Variants in NCOR1 observed in about 807,000 individuals in gnomAD.
NCOR1 encodes the protein protein phosphatase 1, regulatory subunit 109.
NCOR1 carries 63 observed loss-of-function variants against 288.1 expected under a neutral mutation model. The ratio of observed to expected loss-of-function variants is 0.22; its 90% confidence interval spans 0.18 to 0.27. The LOEUF (loss-of-function observed/expected upper bound fraction) is 0.27. Ranked by LOEUF, NCOR1 falls within the 10% of genes least tolerant of loss-of-function variation. NCOR1 has a pLI of 1.00. For synonymous variants in NCOR1, 1,007 were observed against 1,065.9 expected (o/e 0.94, Z 1.08); for missense variants, 2,397 against 3,019.2 (o/e 0.79, Z 4.83).
intron 42 of NCOR1, among the ~76,000 whole-genome samples, chr17:16,043,480 T>G (rs2058105438): frequency 6.6e-6 from 1 of 152,220 alleles, no homozygotes; most frequent in Non-Finnish European, 1.5e-5. Flanking sequence ...CTGTTAAAGT[T>G]AGGTACTTGT....
chr17:16,129,231 C>A (rs1469691282), intron 14 of NCOR1, among the ~76,000 whole-genome samples: 1 of 152,158 alleles, frequency 6.6e-6, no homozygotes, highest in Non-Finnish European at 1.5e-5. Flanking sequence ...CACTGCTTTG[C>A]CTCCTAGATC....
At chr17:16,152,272 T>G (rs1225286943) in intron 7 of NCOR1, among the ~76,000 whole-genome samples, 1 of 152,192 alleles carries the variant, frequency 6.6e-6, no homozygotes, top group Non-Finnish European at 1.5e-5. Context: ...ATCACTTACA[T>G]TACGTATTTC....
Position 16,039,573 on chromosome 17 carries a change from A to C in NCOR1, c.6815T>G (p.Met2272Arg). The C allele has an allele frequency of 1.2e-6, 2 of 1,614,170 alleles. No individual in the cohort carries two copies. The highest frequency in any genetic ancestry group is 1.7e-6 in the Non-Finnish European group (2 of 1,180,024). The change falls in exon 44 of 46, where the codon ATG becomes AGG. Residue 2272 changes from methionine to arginine, a missense_variant. Around this residue, in one of 11 missense-constraint regions of NCOR1, gnomAD observed 1,872 missense variants for 2,187.8 expected, o/e 0.86. Coordinates refer to ENST00000268712, the MANE Select transcript of NCOR1 (RefSeq NM_006311.4). ...GLEDIIRKAL[M>R]GSFDDKVEDH... ...CTCAACTTTGTCATCAAAGCTTCCC[A>C]TGAGAGCCTTCCTGATAATGTCTTC...
chr17:16,174,258 A>G (rs56678703), intron 3 of NCOR1, among the ~76,000 whole-genome samples: 1 of 152,326 alleles, frequency 6.6e-6, no homozygotes, highest in East Asian at 1.9e-4. Flanking sequence ...GAAAAGAACA[A>G]AGTTGGAAAA....
At chr17:16,180,044 G>A (rs1024102856) in intron 3 of NCOR1, among the ~76,000 whole-genome samples, 2 of 150,400 alleles carry the variant, frequency 1.3e-5, no homozygotes, top group Non-Finnish European at 2.9e-5. Flanking sequence ...CAAACCACTA[G>A]CAAGTGGGAC....
At chr17:16,090,044 G>A (rs1567941014) in intron 22 of NCOR1, among the ~76,000 whole-genome samples, 2 of 152,060 alleles carry the variant, frequency 1.3e-5, no homozygotes, top group Non-Finnish European at 2.9e-5. Context: ...ATACCACTGA[G>A]ATCTAAACCA....
intron 1 of NCOR1, chr17:16,198,374 A>AAC (rs2090231016): frequency 1.3e-5 from 2 of 152,300 alleles, no homozygotes; most frequent in Non-Finnish European, 2.9e-5. Context: ...AAAAAAAAAA[A>AAC]AAAACATCTT....
In NCOR1 at chr17:16,126,122, T is replaced by C. The variant is rs1368180898; in HGVS notation, c.1594A>G (p.Lys532Glu). The C allele has an allele frequency of 4.0e-6, 6 of 1,512,394 alleles. No homozygotes were observed. The highest frequency in any genetic ancestry group is 5.4e-6 in the Non-Finnish European group (6 of 1,111,136). The allele number at this position is 1,512,394 out of a possible 1,614,324, so 93.7% of individuals were successfully genotyped here. A position where few individuals can be genotyped will look rare whatever the true frequency, so the allele number is the denominator to read the frequency against. The part of the protein sequence containing the change: ...AEKTEKKEEE[K>E]KDEEEKDEKE... Reference sequence around the variant, plus strand: ...TCATCTTTTTCCTCTTCATCTTTCTTTTCTTCTTCTTTTTTTTCTGTTTTT... The same window carrying C: ...TCATCTTTTTCCTCTTCATCTTTCTCTTCTTCTTCTTTTTTTTCTGTTTTT... The change falls in exon 15 of 46, where the codon AAG becomes GAG. Residue 532 changes from lysine (K) to glutamate (E), a missense_variant. Physicochemically the swap from Lys to Glu is moderately conservative, Grantham distance 56. Coordinates refer to ENST00000268712, the MANE Select transcript of NCOR1 (RefSeq NM_006311.4).
chr17:16,195,386 G>A (rs1441007139), intron 1 of NCOR1, among the ~76,000 whole-genome samples: 9 of 151,926 alleles, frequency 5.9e-5, no homozygotes, highest in Admixed American at 2.6e-4. Flanking sequence ...CAGGAGAATC[G>A]CTTGAGCCTG....
intron 2 of NCOR1, among the ~76,000 whole-genome samples, chr17:16,190,737 G>T (rs1006172431): frequency 6.6e-6 from 1 of 152,142 alleles, no homozygotes; most frequent in Non-Finnish European, 1.5e-5. Flanking sequence ...GCAGCTTCCA[G>T]GTATAAGCAG....
intron 36 of NCOR1, 27 bp downstream of exon 36, chr17:16,062,078 T>C: frequency 6.2e-7 from 1 of 1,606,232 alleles, no homozygotes. Flanking sequence ...GAGACATTTT[T>C]TGTCAAAATA....
intron 2 of NCOR1, among the ~76,000 whole-genome samples, chr17:16,187,722 T>G (rs768587520): frequency 6.6e-6 from 1 of 151,754 alleles, no homozygotes; most frequent in Non-Finnish European, 1.5e-5. Context: ...CTGGGCAACA[T>G]AGTGAGACTT....
In NCOR1 at chr17:16,162,348, T is replaced by C. The variant is rs188771662; in HGVS notation, c.618+2631A>G. On this transcript the variant is annotated intron_variant, in intron 5 of 45. Coordinates refer to ENST00000268712, the MANE Select transcript of NCOR1 (RefSeq NM_006311.4). ...TTACAACTAACAGGAATTTCATAAGTAGAACAAGAAACTGTTAGAAAGGTT... is the reference window on the plus strand; with the variant it reads ...TTACAACTAACAGGAATTTCATAAGCAGAACAAGAAACTGTTAGAAAGGTT... 4.0e-5 allele frequency among the ~76,000 whole-genome samples: 6 copies of C among 151,598 alleles called. No individual in the cohort carries two copies. In the East Asian group the frequency reaches 9.7e-4, roughly 24 times the overall value.
At chr17:16,125,984 A>ACTG in intron 15 of NCOR1, 98 bp downstream of exon 15, 1 of 648,436 alleles carries the variant, frequency 1.5e-6, no homozygotes, top group Non-Finnish European at 2.4e-6. Context: ...CTACTATGCA[A>ACTG]TATATCCATG....
Position 16,138,351 on chromosome 17 carries a change from G to A in NCOR1, c.1353-139C>T, listed in dbSNP as rs146518346. The A allele has an allele frequency of 2.1e-3, 1,337 of 641,752 alleles. 19 individuals are homozygous for A. In the African/African-American group the frequency reaches 0.022, roughly 11 times the overall value. 39.8% of individuals were successfully genotyped at this position (641,752 alleles called of 1,614,324 possible). Reference sequence around the variant, plus strand: ...TGTAATCCCAGCACTTTGGGAGGCCGAAGAAGGTGGATCACTTGAGGTCAG... The same window carrying A: ...TGTAATCCCAGCACTTTGGGAGGCCAAAGAAGGTGGATCACTTGAGGTCAG... On this transcript the variant is annotated intron_variant, in intron 12 of 45. Coordinates refer to ENST00000268712, the MANE Select transcript of NCOR1 (RefSeq NM_006311.4).
intron 4 of NCOR1, among the ~76,000 whole-genome samples, chr17:16,170,779 T>G (rs1367799750): frequency 6.7e-6 from 1 of 149,884 alleles, no homozygotes. Context: ...AGGCGGAGAT[T>G]GCAGTGAGCC....
chr17:16,093,171 C>T (rs911393076), intron 21 of NCOR1, among the ~76,000 whole-genome samples: 5 of 152,192 alleles, frequency 3.3e-5, no homozygotes, highest in Non-Finnish European at 7.3e-5. Context: ...TTAAAGGGAA[C>T]TTCCCATTTT....
chr17:16,147,488 T>C (rs1488759500), intron 9 of NCOR1, among the ~76,000 whole-genome samples: 2 of 152,194 alleles, frequency 1.3e-5, no homozygotes, highest in Non-Finnish European at 2.9e-5. Flanking sequence ...TGATACCATT[T>C]TCTAAATAGA....
chr17:16,065,112 G>T, intron 33 of NCOR1, 93 bp from the exon 34 acceptor site: 2 of 1,162,498 alleles, frequency 1.7e-6, no homozygotes, highest in Non-Finnish European at 2.4e-6. Flanking sequence ...TGTGAATCAA[G>T]GGTAATTTGT....
Sources: gnomAD v4.1 joint callset for allele counts (sites outside exome capture counted in the v4.1 genomes callset) on GRCh38, gnomAD v4.1.1 for gene constraint, gnomAD v4.1.1 regional missense constraint, MANE v1.5 for transcripts, NCBI Gene and HGNC (gene_info 2026-07-23, HGNC 2026-07-21) for gene names.